Variants in ZNF704 observed in about 807,000 individuals in gnomAD.
The protein encoded by ZNF704 is glucocorticoid induced gene 1.
ZNF704 carries 10 observed loss-of-function variants against 44.7 expected under a neutral mutation model. The observed-to-expected ratio is 0.22, with a 90% CI of 0.14 to 0.38. The LOEUF (loss-of-function observed/expected upper bound fraction) is 0.38. ZNF704 is among the 10% of genes least tolerant of loss of function. The pLI, the probability that ZNF704 is intolerant of heterozygous loss-of-function variation, is 1.00. For missense variants in ZNF704, 390 were observed against 545.5 expected (o/e 0.71, Z 2.84); for synonymous variants, 211 against 207.6 (o/e 1.02, Z -0.14).
chr8:80,645,191 C>T (rs1817809280), intron 7 of ZNF704: 1 of 1,577,644 alleles, frequency 6.3e-7, no homozygotes, highest in Non-Finnish European at 8.6e-7. Context: ...GGTTTGCTAG[C>T]CTTCAGCCCC....
chr8:80,631,425 T>C lies in ZNF704; in HGVS notation c.*9941A>G, dbSNP rs975204821. 3.9e-5 allele frequency: 6 copies of C among 152,220 alleles called. No individual in the cohort carries two copies. The highest frequency in any genetic ancestry group is 1.4e-4 in the African/African-American group (6 of 41,460). The allele number at this position is 152,220 out of a possible 1,614,324, so 9.4% of individuals were successfully genotyped here. ...CATAAATACGAAATTATAACAATTA[T>C]ATGCTGCAGGAGCCACTTCCTTTTC... is the stretch of plus-strand genomic sequence containing the variant. On this transcript the variant is annotated 3_prime_UTR_variant, in exon 9 of 9. Transcript: ENST00000327835.
intron 4 of ZNF704, among the ~76,000 whole-genome samples, chr8:80,676,890 G>A (rs2131621320): frequency 6.6e-6 from 1 of 152,342 alleles, no homozygotes; most frequent in Non-Finnish European, 1.5e-5. Context: ...GCGGAGCACA[G>A]GCGGTAATGC....
In ZNF704 at chr8:80,747,434, T is replaced by C. The variant is rs551015883; in HGVS notation, c.222-54327A>G. 6.6e-5 allele frequency among the ~76,000 whole-genome samples: 10 copies of C among 152,338 alleles called. No homozygotes were observed. In the East Asian group the frequency reaches 1.9e-3, roughly 29 times the overall value. ...TGGAAGACTTTTGATTTGCATTTGC[T>C]CTTTTATTTTATATGCTACACAAAC... is the stretch of plus-strand genomic sequence containing the variant. On this transcript the variant is annotated intron_variant, in intron 2 of 8. Transcript: ENST00000327835.
rs937939525 is a variant in ZNF704 at position 80,836,021 on chromosome 8, C to G, written c.-21-14406G>C. Among the ~76,000 whole-genome samples the G allele has an allele frequency of 3.3e-5, 5 of 152,178 alleles. No homozygotes were observed. The East Asian group carries it at 7.7e-4, about 23-fold the overall frequency. Reference sequence around the variant, plus strand: ...CCCTCCCCGGAGCCCTGTTTCCACTCCTGCACCGCCTCCCATGAACCCCAG... The same window carrying G: ...CCCTCCCCGGAGCCCTGTTTCCACTGCTGCACCGCCTCCCATGAACCCCAG... On this transcript the variant is annotated intron_variant, in intron 1 of 8. Coordinates refer to ENST00000327835, the MANE Select transcript of ZNF704 (RefSeq NM_001033723.3).
chr8:80,773,527 A>G (rs1807360109), intron 2 of ZNF704, among the ~76,000 whole-genome samples: 1 of 152,220 alleles, frequency 6.6e-6, no homozygotes, highest in Non-Finnish European at 1.5e-5. Flanking sequence ...GGAGAATGTT[A>G]TATTTACATG....
intron 2 of ZNF704, among the ~76,000 whole-genome samples, chr8:80,704,244 C>T (rs138523476): frequency 3.9e-5 from 6 of 152,302 alleles, no homozygotes; most frequent in East Asian, 1.9e-4. Context: ...GGAGGCATCT[C>T]GAACATTCCT....
At chr8:80,724,356 T>C (rs1806435085) in intron 2 of ZNF704, among the ~76,000 whole-genome samples, 1 of 152,266 alleles carries the variant, frequency 6.6e-6, no homozygotes. Context: ...CAAGGTCATG[T>C]TAATAACTCA....
chr8:80,793,703 T>G (rs1380233603), intron 2 of ZNF704, among the ~76,000 whole-genome samples: 2 of 152,072 alleles, frequency 1.3e-5, no homozygotes, highest in Non-Finnish European at 1.5e-5. Context: ...TATATTTCAT[T>G]ATAATAAAAA....
chr8:80,640,428 G>T lies in ZNF704; in HGVS notation c.*938C>A, dbSNP rs1156292104. The T allele has an allele frequency of 6.6e-6, 1 of 152,590 alleles. No homozygotes were observed. Among genetic ancestry groups the T allele is most frequent in the Non-Finnish European group, 1.5e-5 (1 of 68,056 alleles). The allele number at this position is 152,590 out of a possible 1,614,324, so 9.5% of individuals were successfully genotyped here. A position where few individuals can be genotyped will look rare whatever the true frequency, so the allele number is the denominator to read the frequency against. ...GGTGGAGTCTGGAGAGAAGGAAAAT[G>T]ACCCATTAACCTGGCTACAATCTTG... On this transcript the variant is annotated 3_prime_UTR_variant, in exon 9 of 9. Transcript: ENST00000327835.
chr8:80,825,202 T>C (rs1387661509), intron 1 of ZNF704, among the ~76,000 whole-genome samples: 20 of 151,686 alleles, frequency 1.3e-4, no homozygotes, highest in Non-Finnish European at 2.4e-4. Context: ...GAGACACACA[T>C]AGGCTCAAAA....
At chr8:80,664,598 C>T (rs987593463) in intron 6 of ZNF704, among the ~76,000 whole-genome samples, 22 of 152,178 alleles carry the variant, frequency 1.4e-4, no homozygotes, top group Admixed American at 5.9e-4. Context: ...ACAATCTCTA[C>T]GGGATCGAAT....
Position 80,864,428 on chromosome 8 carries a change from A to C in ZNF704, c.-22+10143T>G, listed in dbSNP as rs191366999. ...TATATTCACCCTCTTAGAAACTCAA[A>C]ATGGCCCTTGGCATATATAGTCAGT... is the stretch of plus-strand genomic sequence containing the variant. On this transcript the variant is annotated intron_variant, in intron 1 of 8. Transcript: ENST00000327835. Among the ~76,000 whole-genome samples, 27 of 152,318 alleles carry C rather than the reference A, an allele frequency of 1.8e-4. No homozygotes were observed. In the East Asian group the frequency reaches 4.6e-3, roughly 26 times the overall value.
At position 80,708,254 on chromosome 8, in the gene ZNF704, G is replaced by A. The variant is rs566217965; in HGVS notation, c.222-15147C>T. 2.1e-4 allele frequency among the ~76,000 whole-genome samples: 32 copies of A among 152,240 alleles called. No homozygotes were observed. In the South Asian group the frequency reaches 6.0e-3, roughly 29 times the overall value. On this transcript the variant is annotated intron_variant, in intron 2 of 8. Coordinates refer to ENST00000327835, the MANE Select transcript of ZNF704 (RefSeq NM_001033723.3). ...TTGCACACCTAGATACGTATACTCC[G>A]TGCTCAAGGAACATGACTTCCCCAA...
intron 2 of ZNF704, among the ~76,000 whole-genome samples, chr8:80,819,124 T>C (rs1808222841): frequency 6.6e-6 from 1 of 152,146 alleles, no homozygotes; most frequent in African/African-American, 2.4e-5. Flanking sequence ...CATAATAGAT[T>C]AATACATCTA....
rs1413304154 is a variant in ZNF704 at position 80,637,322 on chromosome 8, A to C, written c.*4044T>G. The C allele has an allele frequency of 6.6e-6, 1 of 152,200 alleles. No homozygotes were observed. The highest frequency in any genetic ancestry group is 1.5e-5 in the Non-Finnish European group (1 of 68,030). 9.4% of individuals were successfully genotyped at this position (152,200 alleles called of 1,614,324 possible). On this transcript the variant is annotated 3_prime_UTR_variant, in exon 9 of 9. Coordinates refer to ENST00000327835, the MANE Select transcript of ZNF704 (RefSeq NM_001033723.3). The stretch of plus-strand genomic sequence containing the variant: ...CATGCCCTTTATTTTTCCCTGAGGA[A>C]ATGAATATTATTTACAGTATTTTGC...
chr8:80,673,017 T>C (rs1421309322), intron 4 of ZNF704, among the ~76,000 whole-genome samples: 1 of 152,238 alleles, frequency 6.6e-6, no homozygotes, highest in African/African-American at 2.4e-5. Flanking sequence ...ATGCCTACCA[T>C]AATTTTAAAG....
intron 2 of ZNF704, among the ~76,000 whole-genome samples, chr8:80,784,397 G>A (rs1037844579): frequency 2.0e-5 from 3 of 152,182 alleles, no homozygotes; most frequent in Non-Finnish European, 4.4e-5. Context: ...ACTACTCAGA[G>A]TTTCTGTTGT....
intron 2 of ZNF704, among the ~76,000 whole-genome samples, chr8:80,733,291 T>C (rs1054019414): frequency 6.6e-6 from 1 of 152,214 alleles, no homozygotes; most frequent in African/African-American, 2.4e-5. Context: ...GTTATTTTCA[T>C]TGTTTTCTTT....
chr8:80,726,839 A>ACG (rs1806489902), intron 2 of ZNF704, among the ~76,000 whole-genome samples: 1 of 151,822 alleles, frequency 6.6e-6, no homozygotes, highest in South Asian at 2.1e-4. Context: ...ACATGCACAC[A>ACG]CACACACACA....
Sources: gnomAD v4.1 joint callset for allele counts (sites outside exome capture counted in the v4.1 genomes callset) on GRCh38, gnomAD v4.1.1 for gene constraint, MANE v1.5 for transcripts, NCBI Gene and HGNC (gene_info 2026-07-23, HGNC 2026-07-21) for gene names.